The following CRISP3 variants were observed in gnomAD, a reference collection of about 807,000 sequenced individuals.
The protein encoded by CRISP3 is cysteine rich secretory protein 3.
Under a neutral mutation model 36.1 loss-of-function variants are expected in CRISP3, and 33 were observed. The observed-to-expected ratio is 0.91, with a 90% CI of 0.69 to 1.22. The LOEUF is 1.22. Among genes scored for constraint, CRISP3 ranks in the 50% most tolerant of loss-of-function variants. The pLI, the probability that CRISP3 is intolerant of heterozygous loss-of-function variation, is 0.00. For missense variants in CRISP3, 330 were observed against 301.2 expected (o/e 1.10, Z -0.71); for synonymous variants, 117 against 104.6 (o/e 1.12, Z -0.72).
At chr6:49,730,582 T>C (rs2127450115) in intron 7 of CRISP3, among the ~76,000 whole-genome samples, 1 of 152,304 alleles carries the variant, frequency 6.6e-6, no homozygotes, top group East Asian at 1.9e-4. Context: ...TTGATGAGAA[T>C]AAACTTCCTA....
At chr6:49,737,478 A>G in intron 1 of CRISP3, 80 bp from the exon 2 acceptor site, 1 of 1,426,400 alleles carries the variant, frequency 7.0e-7, no homozygotes, top group Non-Finnish European at 9.8e-7. Context: ...GGGGTGGGAG[A>G]AACGTAATGA....
At chr6:49,743,693 T>C (rs1769262628) in intron 1 of CRISP3, among the ~76,000 whole-genome samples, 1 of 152,170 alleles carries the variant, frequency 6.6e-6, no homozygotes, top group Non-Finnish European at 1.5e-5. Context: ...CTTCCTTAGA[T>C]GAAATATGCA....
chr6:49,730,014 C>T (rs1341887207), intron 7 of CRISP3, among the ~76,000 whole-genome samples: 1 of 152,002 alleles, frequency 6.6e-6, no homozygotes, highest in African/African-American at 2.4e-5. Flanking sequence ...GATTTTCCTT[C>T]TTTAGTTGAT....
intron 1 of CRISP3, among the ~76,000 whole-genome samples, chr6:49,742,904 A>G (rs1423717417): frequency 6.6e-6 from 1 of 152,234 alleles, no homozygotes; most frequent in Non-Finnish European, 1.5e-5. Context: ...TGTCAAAAGC[A>G]TTAACACATG....
Position 49,733,268 on chromosome 6 carries a change from C to G in CRISP3, c.487G>C (p.Val163Leu). 1 of 1,610,500 alleles carries G rather than the reference C, an allele frequency of 6.2e-7. No individual in the cohort carries two copies. The highest frequency in any genetic ancestry group is 1.3e-5 in the African/African-American group (1 of 74,764). ...TQVVWYSSYLVGCGNAYCPNQ... is the reference protein window; with the variant it reads ...TQVVWYSSYLLGCGNAYCPNQ... ...GGACAGTAGGCATTTCCACATCCAACGAGGTATGAAGAGTACCAAACAACC... is the reference window on the plus strand; with the variant it reads ...GGACAGTAGGCATTTCCACATCCAAGGAGGTATGAAGAGTACCAAACAACC... Residue 163 changes from valine (V) to leucine (L), a missense_variant, in exon 6 of 8, where the codon GTT becomes CTT. Val to Leu is a conservative substitution (Grantham distance 32). Coordinates refer to ENST00000263045, the MANE Select transcript of CRISP3 (RefSeq NM_006061.4).
intron 1 of CRISP3, among the ~76,000 whole-genome samples, chr6:49,743,263 A>C (rs534967815): frequency 1.2e-4 from 18 of 152,290 alleles, no homozygotes; most frequent in African/African-American, 4.1e-4. Context: ...TCAGATTTAC[A>C]TTACTTGAGA....
At chr6:49,739,405 G>A (rs182600832) in intron 1 of CRISP3, among the ~76,000 whole-genome samples, 28 of 152,168 alleles carry the variant, frequency 1.8e-4, no homozygotes, top group African/African-American at 5.3e-4. Context: ...ATATAATTAC[G>A]GGAGCTCATC....
In CRISP3 at chr6:49,737,348, A is replaced by G. The variant is rs761192735; in HGVS notation, c.88T>C (p.Ser30Pro). The G allele has an allele frequency of 2.5e-6, 4 of 1,613,842 alleles. No individual in the cohort carries two copies. The highest frequency in any genetic ancestry group is 1.3e-5 in the African/African-American group (1 of 74,888). The change falls in exon 2 of 8, where the codon TCT becomes CCT. Residue 30 changes from serine to proline, a missense_variant. By Grantham distance (74) the Ser-to-Pro change is moderately conservative. Transcript: ENST00000263045. ...ACCTTATCTTCATTTGCTGGAAAAG[A>G]TGGAAGCAGCCCAGCAACCAGGAAC... is the stretch of plus-strand genomic sequence containing the variant. ...LLFLVAGLLP[S>P]FPANEDKDPA...
intron 1 of CRISP3, among the ~76,000 whole-genome samples, chr6:49,739,842 C>G (rs1769154649): frequency 6.6e-6 from 1 of 152,184 alleles, no homozygotes; most frequent in African/African-American, 2.4e-5. Flanking sequence ...TTATTTTCTA[C>G]TATTCCTTGG....
At position 49,729,520 on chromosome 6, in the gene CRISP3, C is replaced by A. The variant is rs140285653; in HGVS notation, c.650-663G>T. Among the ~76,000 whole-genome samples the A allele has an allele frequency of 9.1e-3, 1,386 of 152,244 alleles. 28 individuals carry two copies. Among genetic ancestry groups the A allele is most frequent in the African/African-American group, 0.032 (1,322 of 41,558 alleles). On this transcript the variant is annotated intron_variant, in intron 7 of 7. Transcript: ENST00000263045. ...GGCCACAAACTCAATAAATCTCAAA[C>A]TAAATTCATCATCCTATCTACAAGC...
intron 4 of CRISP3, 39 bp downstream of exon 4, chr6:49,735,465 T>C: frequency 6.9e-7 from 1 of 1,449,610 alleles, no homozygotes; most frequent in East Asian, 2.3e-5. Context: ...ATTATTTTAC[T>C]TGTTGATTTA....
intron 1 of CRISP3, among the ~76,000 whole-genome samples, chr6:49,740,934 T>C (rs1361973000): frequency 6.6e-6 from 1 of 151,244 alleles, no homozygotes; most frequent in East Asian, 2.0e-4. Context: ...ACCCCATCTC[T>C]ACTAAAAATA....
chr6:49,738,581 C>T (rs1769119213), intron 1 of CRISP3, among the ~76,000 whole-genome samples: 1 of 152,154 alleles, frequency 6.6e-6, no homozygotes, highest in African/African-American at 2.4e-5. Context: ...GCTCTGGGGG[C>T]TGGGACTGGG....
chr6:49,732,947 A>G (rs929306726), intron 6 of CRISP3, among the ~76,000 whole-genome samples: 6 of 152,202 alleles, frequency 3.9e-5, no homozygotes, highest in African/African-American at 1.4e-4. Flanking sequence ...GCATAGCAAA[A>G]GGCAATTGAG....
At chr6:49,732,484 A>T (rs967340549) in intron 6 of CRISP3, among the ~76,000 whole-genome samples, 1 of 152,190 alleles carries the variant, frequency 6.6e-6, no homozygotes, top group African/African-American at 2.4e-5. Context: ...TCTTCAATAT[A>T]TCCACAGATT....
intron 2 of CRISP3, 128 bp from the exon 3 acceptor site, chr6:49,736,635 A>G (rs1769059377): frequency 8.0e-6 from 6 of 747,424 alleles, no homozygotes; most frequent in African/African-American, 3.5e-5. Flanking sequence ...AAACATTGTC[A>G]ATGACTGCCA....
intron 1 of CRISP3, among the ~76,000 whole-genome samples, chr6:49,743,401 T>C (rs1769256003): frequency 6.6e-6 from 1 of 152,190 alleles, no homozygotes; most frequent in Non-Finnish European, 1.5e-5. Context: ...TTTCTTTTGA[T>C]CCACTTTCAG....
At chr6:49,740,884 G>A (rs139969594) in intron 1 of CRISP3, among the ~76,000 whole-genome samples, 4 of 151,938 alleles carry the variant, frequency 2.6e-5, no homozygotes, top group East Asian at 2.0e-4. Context: ...AGCAGATCAC[G>A]AGGTCAAGAG....
At chr6:49,732,013 A>C (rs1768928574) in intron 6 of CRISP3, among the ~76,000 whole-genome samples, 1 of 152,206 alleles carries the variant, frequency 6.6e-6, no homozygotes, top group Non-Finnish European at 1.5e-5. Context: ...AAATACAAGA[A>C]AGTCAAAGTC....
Sources: gnomAD v4.1 joint callset for allele counts (sites outside exome capture counted in the v4.1 genomes callset) on GRCh38, gnomAD v4.1.1 for gene constraint, MANE v1.5 for transcripts, NCBI Gene and HGNC (gene_info 2026-07-23, HGNC 2026-07-21) for gene names.